APLP2: variants seen among roughly 807,000 people sequenced by gnomAD.
APLP2 encodes amyloid beta precursor like protein 2, also known as CDEI box-binding protein.
A neutral mutation model predicts 89.9 loss-of-function variants in APLP2; 53 were observed. The observed-to-expected ratio is 0.59, with a 90% CI of 0.47 to 0.74. The LOEUF is 0.74. APLP2 is among the 30% of genes least tolerant of loss of function. The pLI is 0.00. For synonymous variants in APLP2, 372 were observed against 348.6 expected (o/e 1.07, Z -0.75); for missense variants, 973 against 975.9 (o/e 1.00, Z 0.04).
chr11:130,091,195 G>A (rs1205767984), intron 1 of APLP2, among the ~76,000 whole-genome samples: 5 of 128,556 alleles, frequency 3.9e-5, no homozygotes, highest in African/African-American at 1.3e-4. Context: ...CCTCCCGGAC[G>A]GGGCGGCTGG....
intron 1 of APLP2, among the ~76,000 whole-genome samples, chr11:130,084,384 G>A (rs1591767407): frequency 6.6e-6 from 1 of 152,150 alleles, no homozygotes; most frequent in Non-Finnish European, 1.5e-5. Flanking sequence ...AATCCCACTT[G>A]ATCCAGGTGT....
chr11:130,086,982 AAAAAC>A (rs1442138276), intron 1 of APLP2, among the ~76,000 whole-genome samples: 8 of 152,364 alleles, frequency 5.3e-5, no homozygotes, highest in African/African-American at 9.6e-5. Context: ...GTTTCTGTGA[AAAAAC>A]AAAACAAAAC....
intron 11 of APLP2, among the ~76,000 whole-genome samples, chr11:130,131,668 T>G (rs1229647400): frequency 6.6e-6 from 1 of 152,212 alleles, no homozygotes; most frequent in Non-Finnish European, 1.5e-5. Context: ...TTGAAAAGAC[T>G]TAATCACTTT....
intron 11 of APLP2, 97 bp downstream of exon 11, chr11:130,130,263 T>C (rs1370474249): frequency 2.0e-6 from 3 of 1,516,474 alleles, no homozygotes; most frequent in African/African-American, 2.7e-5. Flanking sequence ...TAGTTGCATT[T>C]GCTACTAGTC....
chr11:130,093,361 A>AAAGAC (rs766573321), intron 1 of APLP2, among the ~76,000 whole-genome samples: 4 of 152,262 alleles, frequency 2.6e-5, no homozygotes, highest in Admixed American at 2.0e-4. Context: ...GGGAATAGAC[A>AAAGAC]AAGACAAGTT....
chr11:130,101,872 T>C (rs1333124059), intron 1 of APLP2: 2 of 445,456 alleles, frequency 4.5e-6, no homozygotes, highest in Non-Finnish European at 8.9e-6. Flanking sequence ...CCTTTTCCTG[T>C]TCCGGGATCC....
intron 13 of APLP2, among the ~76,000 whole-genome samples, chr11:130,138,560 A>G (rs1005076346): frequency 6.7e-6 from 1 of 149,928 alleles, no homozygotes; most frequent in African/African-American, 2.5e-5. Flanking sequence ...AATCTATTAT[A>G]ACAGTCTGGA....
intron 1 of APLP2, among the ~76,000 whole-genome samples, chr11:130,093,783 G>T (rs1283496930): frequency 1.3e-5 from 2 of 151,912 alleles, no homozygotes; most frequent in African/African-American, 4.8e-5. Context: ...TCACTTTGTT[G>T]CTCAGGCTGG....
intron 3 of APLP2, among the ~76,000 whole-genome samples, chr11:130,111,824 G>C (rs997584909): frequency 1.3e-5 from 2 of 152,102 alleles, no homozygotes; most frequent in African/African-American, 4.8e-5. Context: ...TCATTTGCTC[G>C]TTAAAAAAGT....
intron 7 of APLP2, among the ~76,000 whole-genome samples, chr11:130,125,772 G>A (rs2135989761): frequency 6.6e-6 from 1 of 152,330 alleles, no homozygotes; most frequent in East Asian, 1.9e-4. Flanking sequence ...TATCAAGCAA[G>A]TCCACACCAG....
chr11:130,116,990 G>T (rs1323067843), intron 3 of APLP2, among the ~76,000 whole-genome samples: 2 of 152,048 alleles, frequency 1.3e-5, no homozygotes, highest in African/African-American at 4.8e-5. Flanking sequence ...AATTAGCTGG[G>T]TGTGGTGGCG....
chr11:130,141,740 G>A lies in APLP2; in HGVS notation c.1998+168G>A, dbSNP rs1405132236. On this transcript the variant is annotated intron_variant, in intron 15 of 16. Transcript: ENST00000338167. This position sits in a 1 kb window ranked among gnomAD's most constrained non-coding sequence, Gnocchi z 4.2. ...AGAAAGCTAAAATTAAAATCTCCAT[G>A]GAGATTGGGAAGAGTGGGCGTTCTC... 4 of 919,282 alleles carry A rather than the reference G, an allele frequency of 4.4e-6. No individual in the cohort carries two copies. The highest frequency in any genetic ancestry group is 5.6e-5 in the Admixed American group (2 of 35,952). The allele number at this position is 919,282 out of a possible 1,614,324, so 56.9% of individuals were successfully genotyped here.
At chr11:130,133,455 A>G (rs1409052994) in intron 11 of APLP2, among the ~76,000 whole-genome samples, 174 bp from the exon 12 acceptor site, 1 of 152,164 alleles carries the variant, frequency 6.6e-6, no homozygotes, top group African/African-American at 2.4e-5. Context: ...CAGTCAGTAA[A>G]TATGGCGTGA....
chr11:130,099,194 T>G (rs533933106), intron 1 of APLP2, among the ~76,000 whole-genome samples: 2 of 152,326 alleles, frequency 1.3e-5, no homozygotes, highest in Admixed American at 1.3e-4. Flanking sequence ...TCTGGTTTGC[T>G]TTGGAGTCAC....
chr11:130,108,600 T>C (rs7937131), intron 1 of APLP2: 1 of 152,128 alleles, frequency 6.6e-6, no homozygotes, highest in Admixed American at 6.5e-5. Context: ...ACTTTTACAC[T>C]GTTGGTGGGA....
At position 130,129,028 on chromosome 11, in the gene APLP2, T is replaced by C; in HGVS notation, c.1297-20T>C. 1.9e-6 allele frequency: 3 copies of C among 1,606,592 alleles called. No homozygotes were observed. The highest frequency in any genetic ancestry group is 1.7e-5 in the Admixed American group (1 of 59,498). ...TCTGGGTGCCACAAATCATGTGTGGTTCCTGCTTTCTTGGTTTAGCACTTC... is the reference window on the plus strand; with the variant it reads ...TCTGGGTGCCACAAATCATGTGTGGCTCCTGCTTTCTTGGTTTAGCACTTC... On this transcript the variant is annotated intron_variant, in intron 9 of 16. Coordinates refer to ENST00000338167, the MANE Select transcript of APLP2 (RefSeq NM_001142276.2).
chr11:130,129,005 T>C (rs651935), intron 9 of APLP2, 43 bp from the exon 10 acceptor site: 1,571,196 of 1,583,474 alleles, frequency 0.99, 779,545 homozygotes, highest in East Asian at 1. Context: ...AGGCTTCCTC[T>C]GGGTGCCACA....
chr11:130,109,255 C>A, intron 1 of APLP2, 174 bp from the exon 2 acceptor site: 1 of 492,024 alleles, frequency 2.0e-6, no homozygotes, highest in Non-Finnish European at 3.4e-6. Context: ...CATACACATC[C>A]AGAAGTCACT....
At chr11:130,086,323 A>G (rs1944115953) in intron 1 of APLP2, among the ~76,000 whole-genome samples, 1 of 152,220 alleles carries the variant, frequency 6.6e-6, no homozygotes, top group Admixed American at 6.5e-5. Context: ...CCATTTTTAT[A>G]TCTTTGGAAA....
Sources: allele counts gnomAD v4.1 joint callset (sites outside exome capture counted in the v4.1 genomes callset), GRCh38; gene constraint gnomAD v4.1.1; non-coding constraint Gnocchi (gnomAD v3.1); transcripts MANE v1.5; gene names NCBI Gene and HGNC (gene_info 2026-07-23, HGNC 2026-07-21).